The following LHFPL7 variants were observed in gnomAD, a reference collection of about 807,000 sequenced individuals.
LHFPL7 encodes the protein LHFPL tetraspan subfamily member 7 protein.
At chr22:24,945,217 T>G in the LHFPL7 span, among the ~76,000 whole-genome samples, 213 of 152,226 alleles carry the variant, frequency 1.4e-3, no homozygotes, top group Non-Finnish European at 2.1e-3. Context: ...TTTTCACTTG[T>G]GAGTGTGGTA....
the LHFPL7 span, among the ~76,000 whole-genome samples, chr22:24,941,610 T>G: frequency 1.3e-5 from 2 of 151,868 alleles, no homozygotes; most frequent in African/African-American, 4.8e-5. Flanking sequence ...TTGTTTTTTT[T>G]TTTTTTTTTG....
chr22:24,942,381 G>A, the LHFPL7 span, among the ~76,000 whole-genome samples: 1 of 152,358 alleles, frequency 6.6e-6, no homozygotes, highest in Non-Finnish European at 1.5e-5. Flanking sequence ...GGCTGAGACT[G>A]GAAGGTGATT....
chr22:24,945,297 G>T, the LHFPL7 span, among the ~76,000 whole-genome samples: 23 of 152,180 alleles, frequency 1.5e-4, no homozygotes, highest in Non-Finnish European at 2.5e-4. Context: ...GACCACTCTG[G>T]CTCCTGGGTG....
the LHFPL7 span, among the ~76,000 whole-genome samples, chr22:24,946,024 T>A: frequency 6.6e-6 from 1 of 152,114 alleles, no homozygotes; most frequent in Non-Finnish European, 1.5e-5. Context: ...AAACTATGGA[T>A]GTTGGCCAGG....
At chr22:24,938,085 A>ATTCATTCG in the LHFPL7 span, 2 of 1,554,038 alleles carry the variant, frequency 1.3e-6, no homozygotes, top group Non-Finnish European at 1.7e-6. Context: ...TCATTCATTC[A>ATTCATTCG]TTCATTCATT....
At chr22:24,944,718 C>CTATT in the LHFPL7 span, among the ~76,000 whole-genome samples, 11,391 of 148,980 alleles carry the variant, frequency 0.076, 900 homozygotes, top group East Asian at 0.42. Flanking sequence ...ACATGCCTGG[C>CTATT]TATTTATTTA....
chr22:24,939,638 T>G, the LHFPL7 span: 1 of 681,822 alleles, frequency 1.5e-6, no homozygotes, highest in Non-Finnish European at 2.7e-6. Flanking sequence ...TAGCCAGGGA[T>G]CTGGTGTTAT....
At chr22:24,939,710 A>G in the LHFPL7 span, among the ~76,000 whole-genome samples, 1 of 151,986 alleles carries the variant, frequency 6.6e-6, no homozygotes, top group East Asian at 1.9e-4. Flanking sequence ...GGTACTAATA[A>G]CTGTGGTCTG....
At chr22:24,939,513 G>C in the LHFPL7 span, 6 of 702,932 alleles carry the variant, frequency 8.5e-6, no homozygotes, top group Middle Eastern at 2.3e-4. Flanking sequence ...GAGCCCCAGA[G>C]CTACCCACAC....
At chr22:24,942,221 C>G in the LHFPL7 span, among the ~76,000 whole-genome samples, 1 of 152,136 alleles carries the variant, frequency 6.6e-6, no homozygotes, top group African/African-American at 2.4e-5. Context: ...GTCTCGATCT[C>G]CTGACCTTGT....
At chr22:24,941,481 C>G in the LHFPL7 span, among the ~76,000 whole-genome samples, 1 of 152,022 alleles carries the variant, frequency 6.6e-6, no homozygotes, top group Non-Finnish European at 1.5e-5. Flanking sequence ...GCCTCATCTC[C>G]TAATATCATC....
chr22:24,936,631 C>A, the LHFPL7 span, among the ~76,000 whole-genome samples: 6 of 152,162 alleles, frequency 3.9e-5, no homozygotes, highest in African/African-American at 1.4e-4. Context: ...CTCCAGCCAC[C>A]CTTGTCTACT....
chr22:24,944,757 G>T, the LHFPL7 span, among the ~76,000 whole-genome samples: 1 of 140,832 alleles, frequency 7.1e-6, no homozygotes, highest in African/African-American at 3.0e-5. Context: ...TATTTATTTT[G>T]GTAGAGATGA....
chr22:24,945,129 C>T, the LHFPL7 span, among the ~76,000 whole-genome samples: 1 of 152,048 alleles, frequency 6.6e-6, no homozygotes, highest in Non-Finnish European at 1.5e-5. Flanking sequence ...TCTTGAACTC[C>T]TGGCTTCAAG....
At chr22:24,938,845 T>G in the LHFPL7 span, among the ~76,000 whole-genome samples, 1 of 152,170 alleles carries the variant, frequency 6.6e-6, no homozygotes, top group African/African-American at 2.4e-5. Flanking sequence ...TAGCAGTGTT[T>G]AGAGGGTGGC....
chr22:24,941,200 T>C, the LHFPL7 span, among the ~76,000 whole-genome samples: 1 of 151,840 alleles, frequency 6.6e-6, no homozygotes, highest in Non-Finnish European at 1.5e-5. Context: ...AGAGTCTTGC[T>C]GTGTGTCGGC....
chr22:24,936,086 C>T, the LHFPL7 span, among the ~76,000 whole-genome samples: 6 of 152,224 alleles, frequency 3.9e-5, no homozygotes, highest in African/African-American at 1.2e-4. Flanking sequence ...TATTTATTGG[C>T]TCATGTCTCC....
chr22:24,939,582 G>C, the LHFPL7 span: 3 of 701,190 alleles, frequency 4.3e-6, no homozygotes, highest in African/African-American at 5.2e-5. Flanking sequence ...ATTACTAATG[G>C]AGACTGCAGG....
chr22:24,935,200 A>C, the LHFPL7 span: 17 of 1,213,738 alleles, frequency 1.4e-5, no homozygotes, highest in Non-Finnish European at 1.9e-5. Context: ...AGAAGAAAAA[A>C]CTGTTCCAGA....
Sources: allele counts gnomAD v4.1 joint callset (sites outside exome capture counted in the v4.1 genomes callset), GRCh38; gene constraint gnomAD v4.1.1; transcripts MANE v1.5; gene names NCBI Gene and HGNC (gene_info 2026-07-23, HGNC 2026-07-21).